The following DDX10 variants were observed in gnomAD, a reference collection of about 807,000 sequenced individuals.
DDX10 encodes the protein DEAD-box helicase 10.
DDX10 carries 74 observed loss-of-function variants against 104.3 expected under a neutral mutation model. The observed-to-expected ratio is 0.71, with a 90% confidence interval of 0.59 to 0.86. The LOEUF is 0.86. Among genes scored for constraint, DDX10 ranks in the 40% least tolerant of loss-of-function variants. The probability of loss-of-function intolerance (pLI) is 0.00; values close to 1 mark genes in which losing one functional copy is unlikely to be tolerated. For synonymous variants in DDX10, 351 were observed against 353.4 expected (o/e 0.99, Z 0.08); for missense variants, 952 against 1,040.0 (o/e 0.92, Z 1.16).
intron 13 of DDX10, among the ~76,000 whole-genome samples, chr11:108,773,263 G>A (rs917925589): frequency 2.0e-5 from 3 of 152,164 alleles, no homozygotes; most frequent in Non-Finnish European, 2.9e-5. Flanking sequence ...ACATGTAAGA[G>A]TAAATCTTTT....
chr11:108,723,186 A>G lies in DDX10; in HGVS notation c.1689A>G (p.Gly563=), dbSNP rs757740268. The change falls in exon 13 of 18, where the codon GGA becomes GGG. Residue 563 remains glycine, a synonymous_variant. Transcript: ENST00000322536. ...AAATGTCCATCCTTCAAAAAGGTGGAAAAAGACTCGAAGGGACAGAGCACA... is the reference window on the plus strand; with the variant it reads ...AAATGTCCATCCTTCAAAAAGGTGGGAAAAGACTCGAAGGGACAGAGCACA... ...NEKMSILQKG[G]KRLEGTEHRQ... The G allele has an allele frequency of 6.2e-7, 1 of 1,613,808 alleles. No individual in the cohort carries two copies. Among genetic ancestry groups the G allele is most frequent in the East Asian group, 2.2e-5 (1 of 44,808 alleles).
Position 108,754,017 on chromosome 11 carries a change from A to C in DDX10, c.1965+30555A>C, listed in dbSNP as rs2094341603. Among the ~76,000 whole-genome samples the C allele has an allele frequency of 3.3e-5, 5 of 152,100 alleles. No homozygotes were observed. In the South Asian group the frequency reaches 1.0e-3, roughly 31 times the overall value. On this transcript the variant is annotated intron_variant, in intron 13 of 17. Coordinates refer to ENST00000322536, the MANE Select transcript of DDX10 (RefSeq NM_004398.4). ...ATCCAAGATATTAATTTCCTGATTT[A>C]TCTTTTGCATTTAGTGTTGACATCA...
intron 16 of DDX10, among the ~76,000 whole-genome samples, chr11:108,862,002 A>G (rs1862947827): frequency 6.6e-6 from 1 of 151,994 alleles, no homozygotes; most frequent in Non-Finnish European, 1.5e-5. Context: ...ACTCCAGCCA[A>G]AAAATCTCTC....
rs779370476 is a variant in DDX10 at position 108,677,152 on chromosome 11, C to G, written c.446C>G (p.Pro149Arg). The change falls in exon 4 of 18, where the codon CCT becomes CGT. Residue 149 changes from proline (P) to arginine (R), a missense_variant. By Grantham distance (103) the Pro-to-Arg change is moderately radical (BLOSUM62 -2). Coordinates refer to ENST00000322536, the MANE Select transcript of DDX10 (RefSeq NM_004398.4). ...TDGLGVLIIS[P>R]TRELAYQTFE... ...GGGCTGGGGGTTCTCATAATATCAC[C>G]TACGAGAGAACTGGCCTATCAGACC... 3.7e-6 allele frequency: 6 copies of G among 1,613,646 alleles called. No homozygotes were observed. Among genetic ancestry groups the G allele is most frequent in the Non-Finnish European group, 5.1e-6 (6 of 1,179,878 alleles).
chr11:108,916,322 G>T lies in DDX10; in HGVS notation c.2305-1551G>T, dbSNP rs1006817731. 2.0e-5 allele frequency among the ~76,000 whole-genome samples: 3 copies of T among 152,248 alleles called. No individual in the cohort carries two copies. The South Asian group carries it at 6.2e-4, about 32-fold the overall frequency. ...TGTTGGTGTCTTTGATTATTTTCAAGTAAACAATAAAATAAGCTGTCAAGT... is the reference window on the plus strand; with the variant it reads ...TGTTGGTGTCTTTGATTATTTTCAATTAAACAATAAAATAAGCTGTCAAGT... On this transcript the variant is annotated intron_variant, in intron 16 of 17. Transcript: ENST00000322536.
chr11:108,906,557 C>T (rs921650626), intron 16 of DDX10, among the ~76,000 whole-genome samples: 4 of 152,178 alleles, frequency 2.6e-5, no homozygotes, highest in African/African-American at 9.7e-5. Context: ...CCTAAGGACA[C>T]ACAACTAGCC....
chr11:108,824,138 G>A (rs756459821), intron 13 of DDX10, among the ~76,000 whole-genome samples: 10 of 152,148 alleles, frequency 6.6e-5, no homozygotes, highest in Non-Finnish European at 1.2e-4. Flanking sequence ...TGCCTGCCAG[G>A]TTCAAGCGAT....
intron 6 of DDX10, among the ~76,000 whole-genome samples, chr11:108,685,081 A>G (rs955972277): frequency 3.3e-4 from 48 of 146,844 alleles, no homozygotes; most frequent in African/African-American, 1.1e-3. Context: ...GTTTGAGTTC[A>G]TTGTAGATTC....
intron 16 of DDX10, among the ~76,000 whole-genome samples, chr11:108,904,706 C>T (rs921338594): frequency 2.0e-5 from 3 of 151,554 alleles, no homozygotes; most frequent in African/African-American, 4.8e-5. Flanking sequence ...GAAGATAGAT[C>T]TCAACTAGTT....
chr11:108,849,119 T>C (rs909139473), intron 15 of DDX10, among the ~76,000 whole-genome samples: 1 of 152,164 alleles, frequency 6.6e-6, no homozygotes, highest in African/African-American at 2.4e-5. Flanking sequence ...TTGTGTTAAG[T>C]TCCTGGGAAG....
chr11:108,681,292 A>G (rs558328685), intron 6 of DDX10, among the ~76,000 whole-genome samples: 1 of 152,326 alleles, frequency 6.6e-6, no homozygotes, highest in East Asian at 1.9e-4. Context: ...TTCACAAATG[A>G]TTTTTGAAAC....
At chr11:108,716,113 T>G (rs79232259) in intron 11 of DDX10, 147 bp downstream of exon 11, 1 of 612,774 alleles carries the variant, frequency 1.6e-6, no homozygotes, top group South Asian at 1.8e-5. Context: ...TTTTTTTTTT[T>G]GAGATGGAGT....
intron 13 of DDX10, among the ~76,000 whole-genome samples, chr11:108,802,219 A>G (rs1862032316): frequency 6.6e-6 from 1 of 152,130 alleles, no homozygotes; most frequent in African/African-American, 2.4e-5. Context: ...TTTGCATTAT[A>G]TTTACCAGTT....
chr11:108,912,543 G>A (rs1591122824), intron 16 of DDX10, among the ~76,000 whole-genome samples: 1 of 152,148 alleles, frequency 6.6e-6, no homozygotes, highest in African/African-American at 2.4e-5. Context: ...CTGCTAAAAT[G>A]CTTAAACAGT....
At chr11:108,702,371 T>G (rs1468568714) in intron 9 of DDX10, among the ~76,000 whole-genome samples, 2 of 152,208 alleles carry the variant, frequency 1.3e-5, no homozygotes, top group Non-Finnish European at 1.5e-5. Flanking sequence ...AATAAACTTT[T>G]TGTAACCTAA....
In DDX10 at chr11:108,851,511, C is replaced by T. The variant is rs146910492; in HGVS notation, c.2248-642C>T. On this transcript the variant is annotated intron_variant, in intron 15 of 17. Coordinates refer to ENST00000322536, the MANE Select transcript of DDX10 (RefSeq NM_004398.4). ...TTCGTGGCAGAACGTCTCTTATAAT[C>T]TCATTAGAGAACCAATTCAGGGATA... Among the ~76,000 whole-genome samples, 445 of 152,200 alleles carry T rather than the reference C, an allele frequency of 2.9e-3. 6 individuals are homozygous for T. Among genetic ancestry groups the T allele is most frequent in the African/African-American group, 0.01 (418 of 41,550 alleles).
intron 15 of DDX10, among the ~76,000 whole-genome samples, chr11:108,843,921 TATATG>T (rs1404820101): frequency 6.6e-6 from 1 of 152,248 alleles, no homozygotes; most frequent in Non-Finnish European, 1.5e-5. Flanking sequence ...CTTCTTTTCT[TATATG>T]AAAGGTGTAT....
intron 13 of DDX10, among the ~76,000 whole-genome samples, chr11:108,769,256 ATC>A (rs952107508): frequency 8.6e-5 from 13 of 151,276 alleles, no homozygotes; most frequent in African/African-American, 2.9e-4. Context: ...ATGTTGTATA[ATC>A]TCTTTTTCAT....
intron 17 of DDX10, chr11:108,920,247 A>G (rs372026745): frequency 6.6e-6 from 1 of 152,210 alleles, no homozygotes; most frequent in Non-Finnish European, 1.5e-5. Flanking sequence ...AGAGATGACA[A>G]AGCATCTTAA....
Sources: allele counts gnomAD v4.1 joint callset (sites outside exome capture counted in the v4.1 genomes callset), GRCh38; gene constraint gnomAD v4.1.1; transcripts MANE v1.5; gene names NCBI Gene and HGNC (gene_info 2026-07-23, HGNC 2026-07-21).